The following ZBTB20 variants were observed in gnomAD, a reference collection of about 807,000 sequenced individuals.
The protein encoded by ZBTB20 is zinc finger and BTB domain containing 20.
In ZBTB20, 9 loss-of-function variants were observed where a neutral mutation model predicts 56.9. The observed-to-expected ratio is 0.16, with a 90% CI of 0.10 to 0.28. ZBTB20 has a LOEUF of 0.28. ZBTB20 is among the 10% of genes least tolerant of loss of function. ZBTB20 has a pLI of 1.00. For missense variants in ZBTB20, 655 were observed against 1,003.0 expected (o/e 0.65, Z 4.69); for synonymous variants, 417 against 420.7 (o/e 0.99, Z 0.11).
chr3:114,911,640 G>A (rs551418700), intron 3 of ZBTB20, among the ~76,000 whole-genome samples: 22 of 151,844 alleles, frequency 1.4e-4, no homozygotes, highest in African/African-American at 4.3e-4. Flanking sequence ...ATTCAATACA[G>A]GGCTTCAACA....
chr3:114,521,355 G>T (rs942415076), intron 6 of ZBTB20, among the ~76,000 whole-genome samples: 2 of 152,070 alleles, frequency 1.3e-5, no homozygotes, highest in Non-Finnish European at 2.9e-5. Flanking sequence ...GAAATTTTAC[G>T]TCTATACCCT....
intron 1 of ZBTB20, among the ~76,000 whole-genome samples, chr3:115,138,971 C>T (rs999672969): frequency 5.9e-5 from 9 of 151,988 alleles, no homozygotes; most frequent in Non-Finnish European, 1.2e-4. Flanking sequence ...TTCCCTTAAG[C>T]ACATTTAGAA....
chr3:114,544,406 C>CT (rs1311422412), intron 6 of ZBTB20, among the ~76,000 whole-genome samples: 1 of 121,366 alleles, frequency 8.2e-6, no homozygotes, highest in Non-Finnish European at 1.7e-5. Flanking sequence ...AACTAGATTT[C>CT]TTCTTTCTTT....
chr3:114,546,118 A>G (rs1303631983), intron 6 of ZBTB20, among the ~76,000 whole-genome samples: 1 of 152,220 alleles, frequency 6.6e-6, no homozygotes, highest in African/African-American at 2.4e-5. Flanking sequence ...TGGCACAACT[A>G]GAGTAAATCG....
At chr3:115,142,849 A>T (rs1054902874) in intron 1 of ZBTB20, among the ~76,000 whole-genome samples, 2 of 152,112 alleles carry the variant, frequency 1.3e-5, no homozygotes, top group Admixed American at 1.3e-4. Context: ...TTATGTTCCA[A>T]ATTAGCATAA....
intron 1 of ZBTB20, among the ~76,000 whole-genome samples, chr3:115,094,284 C>A (rs2083300627): frequency 6.6e-6 from 1 of 151,052 alleles, no homozygotes; most frequent in Non-Finnish European, 1.5e-5. Flanking sequence ...ATTTATTGGG[C>A]CAAGAAGAAT....
intron 4 of ZBTB20, among the ~76,000 whole-genome samples, chr3:114,851,990 T>C (rs2075022372): frequency 1.3e-5 from 2 of 152,136 alleles, no homozygotes; most frequent in South Asian, 2.1e-4. Flanking sequence ...CCAATCAAAA[T>C]GATCACTTTT....
At chr3:115,088,221 C>G (rs2083058947) in intron 1 of ZBTB20, among the ~76,000 whole-genome samples, 1 of 151,840 alleles carries the variant, frequency 6.6e-6, no homozygotes, top group South Asian at 2.1e-4. Context: ...ATTTCTACAT[C>G]TGAAAAAGGA....
rs547590294 is a variant in ZBTB20 at position 115,085,041 on chromosome 3, G to A, written c.-702-13627C>T. 1.5e-3 allele frequency among the ~76,000 whole-genome samples: 233 copies of A among 152,034 alleles called. 1 individual carries two copies. Among genetic ancestry groups the A allele is most frequent in the Non-Finnish European group, 2.7e-3 (186 of 67,896 alleles). ...GAAATTGGAGACTACATGTGAAAAC[G>A]ATAGTTCATCTTTTCCAAAAAAAGA... On this transcript the variant is annotated intron_variant, in intron 1 of 11. Coordinates refer to ENST00000675478, the MANE Select transcript of ZBTB20 (RefSeq NM_001348800.3).
chr3:115,029,350 A>C (rs2080568265), intron 2 of ZBTB20, among the ~76,000 whole-genome samples: 1 of 150,088 alleles, frequency 6.7e-6, no homozygotes, highest in Non-Finnish European at 1.5e-5. Flanking sequence ...GGGGGGGGGC[A>C]GTGGTAGAGA....
At chr3:115,145,914 C>A (rs1405859509) in intron 1 of ZBTB20, among the ~76,000 whole-genome samples, 1 of 152,164 alleles carries the variant, frequency 6.6e-6, no homozygotes, top group Non-Finnish European at 1.5e-5. Flanking sequence ...CACTTGAAAA[C>A]ATTGGGTGAA....
chr3:115,037,075 G>T (rs1015974040), intron 2 of ZBTB20, among the ~76,000 whole-genome samples: 1 of 152,138 alleles, frequency 6.6e-6, no homozygotes, highest in Non-Finnish European at 1.5e-5. Flanking sequence ...ATATATTTAT[G>T]ATCATTACTG....
At chr3:114,703,051 T>A (rs2063494100) in intron 5 of ZBTB20, among the ~76,000 whole-genome samples, 1 of 152,068 alleles carries the variant, frequency 6.6e-6, no homozygotes. Context: ...GACCACTGAG[T>A]CATTCTTTAA....
rs2077130099 is a variant in ZBTB20, at chr3:114,953,148, AT to A, written c.-456+21217del. Reference sequence around the variant, plus strand: ...TTCTATTTAAATGTCTAAAATATTGATTCTAAGAAGAGTATAAAAAGATATG... The same window carrying A: ...TTCTATTTAAATGTCTAAAATATTGATCTAAGAAGAGTATAAAAAGATATG... On this transcript the variant is annotated intron_variant, in intron 3 of 11. Coordinates refer to ENST00000675478, the MANE Select transcript of ZBTB20 (RefSeq NM_001348800.3). 2.6e-5 allele frequency among the ~76,000 whole-genome samples: 4 copies of A among 152,190 alleles called. No individual in the cohort carries two copies. In the South Asian group the frequency reaches 8.3e-4, roughly 32 times the overall value.
At position 114,490,207 on chromosome 3, in the gene ZBTB20, T is replaced by TTA. The variant is rs530800929; in HGVS notation, c.-255+10143_-255+10144dup. Among the ~76,000 whole-genome samples, 50 of 152,084 alleles carry TTA rather than the reference T, an allele frequency of 3.3e-4. 1 individual carries two copies. The highest frequency in any genetic ancestry group is 5.1e-4 in the Non-Finnish European group (35 of 67,972). ...TAGTTAATATGCTTTCTTACCCTTC[T>TTA]TATATATATATTTATTGATTGATTG... On this transcript the variant is annotated intron_variant, in intron 7 of 11. Transcript: ENST00000675478.
Position 115,054,842 on chromosome 3 carries a change from T to C in ZBTB20, c.-507+16377A>G, listed in dbSNP as rs141135655. 2.4e-4 allele frequency among the ~76,000 whole-genome samples: 36 copies of C among 152,240 alleles called. No homozygotes were observed. In the East Asian group the frequency reaches 5.6e-3, roughly 24 times the overall value. On this transcript the variant is annotated intron_variant, in intron 2 of 11. Coordinates refer to ENST00000675478, the MANE Select transcript of ZBTB20 (RefSeq NM_001348800.3). ...GATTTTTCTTAGCTCTTTATGCTTT[T>C]CACACTCAATATTTTACTCTTATAG...
chr3:114,414,001 T>C (rs1023244395), intron 7 of ZBTB20, among the ~76,000 whole-genome samples: 1 of 151,862 alleles, frequency 6.6e-6, no homozygotes, highest in Admixed American at 6.6e-5. Flanking sequence ...TTTGCCTTGA[T>C]ATCTAAACTG....
At chr3:114,359,261 G>A (rs1041981899) in intron 10 of ZBTB20, 1 of 152,124 alleles carries the variant, frequency 6.6e-6, no homozygotes, top group Non-Finnish European at 1.5e-5. Context: ...CTTCAGTCTT[G>A]AGTATTATCA....
intron 4 of ZBTB20, among the ~76,000 whole-genome samples, chr3:114,826,742 A>T (rs2971238): frequency 0.98 from 148,940 of 151,692 alleles, 73,190 homozygotes; most frequent in East Asian, 1. Flanking sequence ...GAGTGACTTA[A>T]GCCTCCTACA....
Sources: gnomAD v4.1 joint callset for allele counts (sites outside exome capture counted in the v4.1 genomes callset) on GRCh38, gnomAD v4.1.1 for gene constraint, MANE v1.5 for transcripts, NCBI Gene and HGNC (gene_info 2026-07-23, HGNC 2026-07-21) for gene names.